The following ANKRD30B variants were observed in gnomAD, a reference collection of about 807,000 sequenced individuals.
ANKRD30B encodes ankyrin repeat domain 30B, also known as ankyrin repeat domain-containing protein 30B.
ANKRD30B carries 144 observed loss-of-function variants against 202.2 expected under a neutral mutation model. The observed-to-expected ratio is 0.71, with a 90% CI of 0.62 to 0.82. ANKRD30B has a LOEUF of 0.82. ANKRD30B is among the 40% of genes least tolerant of loss of function. The probability of loss-of-function intolerance (pLI) is 0.00; values close to 1 mark genes in which losing one functional copy is unlikely to be tolerated. For synonymous variants in ANKRD30B, 508 were observed against 561.3 expected (o/e 0.91, Z 1.34); for missense variants, 1,487 against 1,669.1 (o/e 0.89, Z 1.90).
the ANKRD30B span, among the ~76,000 whole-genome samples, chr18:14,904,746 A>C: frequency 1.3e-5 from 2 of 152,168 alleles, no homozygotes; most frequent in Non-Finnish European, 2.9e-5. Context: ...GGAGAAAGTG[A>C]GGTGGTTGGA....
chr18:14,787,453 T>G, intron 15 of ANKRD30B, among the ~76,000 whole-genome samples: 1 of 152,192 alleles, frequency 6.6e-6, no homozygotes, highest in South Asian at 2.1e-4. Flanking sequence ...TATATCTAGA[T>G]GTACAAAAGT....
intron 9 of ANKRD30B, among the ~76,000 whole-genome samples, chr18:14,774,183 CAAAT>C: frequency 6.6e-6 from 1 of 152,048 alleles, no homozygotes; most frequent in South Asian, 2.1e-4. Context: ...CAGGTATTAA[CAAAT>C]AACTAATTGT....
At position 14,837,304 on chromosome 18, in the gene ANKRD30B, A is replaced by AT. The variant is rs1971222111; in HGVS notation, c.2926+21dup. ...AGATCAAACAAGTAATGACAATTTTATTTTTTATACCAAAATAATAGAAAT... is the reference window on the plus strand; with the variant it reads ...AGATCAAACAAGTAATGACAATTTTATTTTTTTATACCAAAATAATAGAAAT... On this transcript the variant is annotated intron_variant, in intron 35 of 43. Coordinates refer to ENST00000690538, the MANE Select transcript of ANKRD30B (RefSeq NM_001367607.2). 6.6e-7 allele frequency: 1 copy of AT among 1,514,302 alleles called. No homozygotes were observed. The highest frequency in any genetic ancestry group is 2.1e-5 in the Admixed American group (1 of 47,490). The allele number at this position is 1,514,302 out of a possible 1,614,324, so 93.8% of individuals were successfully genotyped here.
intron 15 of ANKRD30B, among the ~76,000 whole-genome samples, chr18:14,790,990 G>T (rs1313390877): frequency 1.3e-5 from 2 of 152,166 alleles, no homozygotes; most frequent in Admixed American, 1.3e-4. Context: ...TTATACCTCT[G>T]GAAGAATTCG....
chr18:14,839,494 ATCGTCATCC>A (rs1971323985), intron 36 of ANKRD30B, among the ~76,000 whole-genome samples: 1 of 152,184 alleles, frequency 6.6e-6, no homozygotes, highest in African/African-American at 2.4e-5. Context: ...CACCAATGTC[ATCGTCATCC>A]TCATTTTTCT....
rs1159850108 is a variant in ANKRD30B, at chr18:14,851,422, A to G, written c.3565-87A>G. 1.4e-5 allele frequency: 19 copies of G among 1,358,944 alleles called. No individual in the cohort carries two copies. In the East Asian group the frequency reaches 4.5e-4, roughly 33 times the overall value. 84.2% of individuals were successfully genotyped at this position (1,358,944 alleles called of 1,614,324 possible). Reference sequence around the variant, plus strand: ...CTTATAAAAACCCTTTCATTGTATAAACGTACAAGTTGTTCTTTAATTTCA... The same window carrying G: ...CTTATAAAAACCCTTTCATTGTATAGACGTACAAGTTGTTCTTTAATTTCA... On this transcript the variant is annotated intron_variant, in intron 41 of 43. Transcript: ENST00000690538.
chr18:14,796,735 C>T (rs1276098003), intron 18 of ANKRD30B, among the ~76,000 whole-genome samples: 5 of 150,184 alleles, frequency 3.3e-5, no homozygotes, highest in African/African-American at 1.2e-4. Flanking sequence ...AAGCTGGGTC[C>T]AGGGGAATCA....
chr18:14,788,317 C>T (rs1235483723), intron 15 of ANKRD30B, among the ~76,000 whole-genome samples: 1 of 152,110 alleles, frequency 6.6e-6, no homozygotes, highest in Non-Finnish European at 1.5e-5. Context: ...TTTTCCTGCT[C>T]AGTAACCAAG....
intron 8 of ANKRD30B, among the ~76,000 whole-genome samples, chr18:14,771,289 A>G (rs1416427691): frequency 6.6e-6 from 1 of 152,144 alleles, no homozygotes. Context: ...CACTTTCACT[A>G]TATATAGTGG....
intron 9 of ANKRD30B, 53 bp from the exon 10 acceptor site, chr18:14,777,932 A>G: frequency 7.2e-7 from 1 of 1,390,928 alleles, no homozygotes; most frequent in Non-Finnish European, 9.9e-7. Context: ...CTTCATCTCA[A>G]AAAAACAAAA....
intron 16 of ANKRD30B, among the ~76,000 whole-genome samples, chr18:14,792,837 T>G (rs1266306351): frequency 6.6e-6 from 1 of 152,026 alleles, no homozygotes; most frequent in East Asian, 1.9e-4. Context: ...CAAATTGTGT[T>G]GGTAAAATTG....
At chr18:14,870,539 A>C in the ANKRD30B span, among the ~76,000 whole-genome samples, 2,374 of 152,200 alleles carry the variant, frequency 0.016, 38 homozygotes, top group Middle Eastern at 0.044. Context: ...CACTTCCCAC[A>C]GGCGTTTGGA....
intron 39 of ANKRD30B, among the ~76,000 whole-genome samples, chr18:14,844,450 A>C (rs1971547948): frequency 6.6e-6 from 1 of 152,230 alleles, no homozygotes; most frequent in African/African-American, 2.4e-5. Context: ...TTCATGGTAC[A>C]TATATGACAC....
chr18:14,933,627 G>A, the ANKRD30B span, among the ~76,000 whole-genome samples: 2 of 152,140 alleles, frequency 1.3e-5, no homozygotes, highest in South Asian at 2.1e-4. Context: ...GGCTCCAGGT[G>A]CAGACAGGGA....
At chr18:14,872,090 G>A in the ANKRD30B span, among the ~76,000 whole-genome samples, 3 of 152,100 alleles carry the variant, frequency 2.0e-5, no homozygotes, top group Admixed American at 1.3e-4. Flanking sequence ...ACACAGCCAC[G>A]AAGCAGACAC....
At chr18:14,832,412 T>C (rs1970992389) in intron 34 of ANKRD30B, among the ~76,000 whole-genome samples, 1 of 152,110 alleles carries the variant, frequency 6.6e-6, no homozygotes. Context: ...AATTTCAGAG[T>C]TTTTAAATTG....
the ANKRD30B span, among the ~76,000 whole-genome samples, chr18:14,933,731 G>T: frequency 1.2e-4 from 12 of 102,148 alleles, no homozygotes; most frequent in Non-Finnish European, 2.0e-5. Context: ...TGGCCACTAC[G>T]TGGGGAGAGG....
At position 14,837,689 on chromosome 18, in the gene ANKRD30B, G is replaced by A. The variant is rs2143148614; in HGVS notation, c.2988+13G>A. On this transcript the variant is annotated intron_variant, in intron 36 of 43. Transcript: ENST00000690538. ...TTCAGATTCTGAGGTACTGTGTATT[G>A]TTGTTGTTGTTATTTTAAAACTTAA... 6.5e-7 allele frequency: 1 copy of A among 1,532,858 alleles called. No homozygotes were observed. The highest frequency in any genetic ancestry group is 2.5e-5 in the East Asian group (1 of 40,632). The allele number at this position is 1,532,858 out of a possible 1,614,324, so 95.0% of individuals were successfully genotyped here.
chr18:14,860,415 C>CTAGACGGGGCGGCCGGG, the ANKRD30B span, among the ~76,000 whole-genome samples: 1 of 126,792 alleles, frequency 7.9e-6, no homozygotes. Context: ...TCCTCACCTC[C>CTAGACGGGGCGGCCGGG]CAGATGGGGC....
Sources: gnomAD v4.1 joint callset for allele counts (sites outside exome capture counted in the v4.1 genomes callset) on GRCh38, gnomAD v4.1.1 for gene constraint, MANE v1.5 for transcripts, NCBI Gene and HGNC (gene_info 2026-07-23, HGNC 2026-07-21) for gene names.